The following CHST3 variants were observed in gnomAD, a reference collection of about 807,000 sequenced individuals.
The protein encoded by CHST3 is C6ST-1.
A neutral mutation model predicts 35.4 loss-of-function variants in CHST3; 20 were observed. The observed-to-expected ratio is 0.57, with a 90% CI of 0.40 to 0.82. The LOEUF is 0.82. CHST3 is among the 40% of genes least tolerant of loss of function. The pLI, the probability that CHST3 is intolerant of heterozygous loss-of-function variation, is 0.00. For synonymous variants in CHST3, 334 were observed against 295.9 expected (o/e 1.13, Z -1.32); for missense variants, 693 against 670.1 (o/e 1.03, Z -0.38).
intron 1 of CHST3, among the ~76,000 whole-genome samples, chr10:72,003,351 T>C (rs1373395627): frequency 6.6e-6 from 1 of 152,176 alleles, no homozygotes; most frequent in Non-Finnish European, 1.5e-5. Flanking sequence ...CTTAATAAGT[T>C]CATGAGAAAA....
intron 1 of CHST3, among the ~76,000 whole-genome samples, chr10:71,994,371 A>G (rs1589504083): frequency 6.6e-6 from 1 of 152,212 alleles, no homozygotes; most frequent in East Asian, 1.9e-4. Context: ...GCATGAAAAC[A>G]TTACTCTCCT....
Position 72,005,838 on chromosome 10 carries a change from T to C in CHST3, c.-5T>C. The C allele has an allele frequency of 6.2e-7, 1 of 1,614,178 alleles. No homozygotes were observed. Among genetic ancestry groups the C allele is most frequent in the African/African-American group, 1.3e-5 (1 of 75,036 alleles). On this transcript the variant is annotated 5_prime_UTR_variant, in exon 2 of 3. Transcript: ENST00000373115. ...CGAGGAGCCCCCACGGCCCCACCTT[T>C]CCCCATGGAGAAAGGACTCACTTTG...
chr10:71,972,283 C>T (rs1475451574), intron 1 of CHST3, among the ~76,000 whole-genome samples: 2 of 152,080 alleles, frequency 1.3e-5, no homozygotes, highest in African/African-American at 2.4e-5. Context: ...GCGTCTGTCC[C>T]GTTGTGGCTG....
At position 72,010,561 on chromosome 10, in the gene CHST3, G is replaced by C. The variant is rs1232678744; in HGVS notation, c.*2090G>C. Reference sequence around the variant, plus strand: ...TGGGTCTCTGTCACTGTGGACTCCAGTCATTCAAGGAGGTCTCCACTCTTG... The same window carrying C: ...TGGGTCTCTGTCACTGTGGACTCCACTCATTCAAGGAGGTCTCCACTCTTG... On this transcript the variant is annotated 3_prime_UTR_variant, in exon 3 of 3. Coordinates refer to ENST00000373115, the MANE Select transcript of CHST3 (RefSeq NM_004273.5). 2.0e-5 allele frequency: 3 copies of C among 152,352 alleles called. No homozygotes were observed. The highest frequency in any genetic ancestry group is 7.2e-5 in the African/African-American group (3 of 41,572). 9.4% of individuals were successfully genotyped at this position (152,352 alleles called of 1,614,324 possible). A position where few individuals can be genotyped will look rare whatever the true frequency, so the allele number is the denominator to read the frequency against.
intron 1 of CHST3, among the ~76,000 whole-genome samples, chr10:71,975,437 C>A (rs1839735960): frequency 6.6e-6 from 1 of 152,156 alleles, no homozygotes; most frequent in South Asian, 2.1e-4. Context: ...AACATTTGCC[C>A]GATAAATTGT....
intron 1 of CHST3, among the ~76,000 whole-genome samples, chr10:72,002,463 A>G (rs1840003421): frequency 6.6e-6 from 1 of 152,186 alleles, no homozygotes; most frequent in African/African-American, 2.4e-5. Context: ...TTTCACAAGC[A>G]TTTACCATGC....
intron 1 of CHST3, among the ~76,000 whole-genome samples, chr10:71,981,234 G>A (rs370411015): frequency 2.6e-5 from 4 of 152,174 alleles, no homozygotes; most frequent in Admixed American, 6.5e-5. Context: ...TGTATCACGC[G>A]GCAGCACCTC....
intron 1 of CHST3, among the ~76,000 whole-genome samples, chr10:71,987,207 C>T (rs945350820): frequency 6.6e-6 from 1 of 151,986 alleles, no homozygotes; most frequent in African/African-American, 2.4e-5. Flanking sequence ...TCTCCCTAAC[C>T]GCTGCTTCTC....
At chr10:72,007,031 A>T (rs539620879) in intron 2 of CHST3, 141 bp from the exon 3 acceptor site, 1 of 919,868 alleles carries the variant, frequency 1.1e-6, no homozygotes, top group African/African-American at 1.6e-5. Flanking sequence ...TTACTTAAAC[A>T]CAAATCCTTG....
chr10:72,000,815 C>T (rs781514945), intron 1 of CHST3, among the ~76,000 whole-genome samples: 33 of 151,688 alleles, frequency 2.2e-4, no homozygotes, highest in Middle Eastern at 3.2e-3. Flanking sequence ...GGTGGCTGCC[C>T]ACATGTGATC....
intron 1 of CHST3, among the ~76,000 whole-genome samples, chr10:71,972,931 G>A (rs1839709606): frequency 6.6e-6 from 1 of 152,210 alleles, no homozygotes; most frequent in Non-Finnish European, 1.5e-5. Context: ...TGCTGGTTCA[G>A]TGATCTGTGG....
intron 1 of CHST3, among the ~76,000 whole-genome samples, chr10:71,997,682 A>AT (rs35366073): frequency 0.37 from 49,511 of 135,250 alleles, 11,409 homozygotes; most frequent in Non-Finnish European, 0.51. Context: ...GTCTCCATAA[A>AT]TTTTTTTTTT....
intron 1 of CHST3, among the ~76,000 whole-genome samples, chr10:71,996,923 G>T (rs1839946535): frequency 6.6e-6 from 1 of 152,136 alleles, no homozygotes; most frequent in African/African-American, 2.4e-5. Flanking sequence ...TTTTTGTTTT[G>T]TTTTGTTTTG....
chr10:72,008,321 C>T lies in CHST3; in HGVS notation c.1290C>T (p.Phe430=), dbSNP rs1207089473. 6.3e-7 allele frequency: 1 copy of T among 1,578,766 alleles called. No individual in the cohort carries two copies. Among genetic ancestry groups the T allele is most frequent in the Non-Finnish European group, 8.6e-7 (1 of 1,162,864 alleles). ...NSSEQFEKWR[F]SMPFKLAQVV... ...CGGAGCAGTTCGAGAAGTGGCGCTT[C>T]AGCATGCCCTTCAAGCTGGCCCAGG... The change falls in exon 3 of 3, where the codon TTC becomes TTT. Residue 430 remains phenylalanine (F), a synonymous_variant. Coordinates refer to ENST00000373115, the MANE Select transcript of CHST3 (RefSeq NM_004273.5).
At chr10:72,006,919 G>T (rs1840044265) in intron 2 of CHST3, among the ~76,000 whole-genome samples, 1 of 152,150 alleles carries the variant, frequency 6.6e-6, no homozygotes, top group Non-Finnish European at 1.5e-5. Context: ...CTAAGCCTCC[G>T]ATGCCCACAC....
chr10:72,003,894 C>A (rs1321139002), intron 1 of CHST3, among the ~76,000 whole-genome samples: 2 of 151,726 alleles, frequency 1.3e-5, no homozygotes, highest in African/African-American at 4.8e-5. Flanking sequence ...TAGATATTAT[C>A]TATTTAGATA....
rs377312066 is a variant in CHST3 at position 72,005,291 on chromosome 10, GTGTGTGTGTC to G, written c.-107-435_-107-426del. 8.1e-3 allele frequency among the ~76,000 whole-genome samples: 1,202 copies of G among 148,702 alleles called. 18 individuals carry two copies. The highest frequency in any genetic ancestry group is 0.029 in the African/African-American group (1,128 of 38,362). ...GCACAGGGTCTGCACCTTTGTGTGT[GTGTGTGTGTC>G]TGTGTGTGTGTGTGTGTGTGTTCTC... On this transcript the variant is annotated intron_variant, in intron 1 of 2. Coordinates refer to ENST00000373115, the MANE Select transcript of CHST3 (RefSeq NM_004273.5).
In CHST3 at chr10:72,012,092, G is replaced by A. The variant is rs1319643192; in HGVS notation, c.*3621G>A. ...GATGTTTAATAACAAGTTTACTTCC[G>A]GTCTGCTAGCACCCTCAGCCTGGGA... is the stretch of plus-strand genomic sequence containing the variant. On this transcript the variant is annotated 3_prime_UTR_variant, in exon 3 of 3. Transcript: ENST00000373115. 1.3e-5 allele frequency: 2 copies of A among 152,178 alleles called. No individual in the cohort carries two copies. Among genetic ancestry groups the A allele is most frequent in the Non-Finnish European group, 2.9e-5 (2 of 68,036 alleles). 9.4% of individuals were successfully genotyped at this position (152,178 alleles called of 1,614,324 possible).
Position 72,003,470 on chromosome 10 carries a change from C to A in CHST3, c.-107-2266C>A, listed in dbSNP as rs554653412. 7.9e-5 allele frequency among the ~76,000 whole-genome samples: 12 copies of A among 152,214 alleles called. No individual in the cohort carries two copies. In the South Asian group the frequency reaches 2.3e-3, roughly 29 times the overall value. On this transcript the variant is annotated intron_variant, in intron 1 of 2. Transcript: ENST00000373115. ...ATCCCAGCACTTTGGGAGGCCGAGG[C>A]AAGCAGATCACCTGAGGTCAGGAGT...
Sources: gnomAD v4.1 joint callset for allele counts (sites outside exome capture counted in the v4.1 genomes callset) on GRCh38, gnomAD v4.1.1 for gene constraint, MANE v1.5 for transcripts, NCBI Gene and HGNC (gene_info 2026-07-23, HGNC 2026-07-21) for gene names.